RPTOR: variants seen among roughly 807,000 people sequenced by gnomAD.
The protein encoded by RPTOR is regulatory associated protein of MTOR complex 1.
A neutral mutation model predicts 169.9 loss-of-function variants in RPTOR; 21 were observed. The ratio of observed to expected loss-of-function variants is 0.12; its 90% CI spans 0.09 to 0.18. RPTOR has a LOEUF of 0.18. Ranked by LOEUF, RPTOR falls within the 10% of genes least tolerant of loss-of-function variation. RPTOR has a pLI of 1.00. For missense variants in RPTOR, 1,133 were observed against 1,855.9 expected (o/e 0.61, Z 7.16); for synonymous variants, 732 against 753.2 (o/e 0.97, Z 0.46).
At chr17:80,891,680 A>G in intron 17 of RPTOR, 40 bp from the exon 18 acceptor site, 1 of 1,346,780 alleles carries the variant, frequency 7.4e-7, no homozygotes, top group Non-Finnish European at 1.1e-6. Context: ...ATCATTTTCC[A>G]GCCCCAGTGA....
In RPTOR at chr17:80,730,774, G is replaced by T; in HGVS notation, c.654+68G>T. 1 of 1,173,516 alleles carries T rather than the reference G, an allele frequency of 8.5e-7. No homozygotes were observed. The highest frequency in any genetic ancestry group is 1.2e-6 in the Non-Finnish European group (1 of 807,010). 72.7% of individuals were successfully genotyped at this position (1,173,516 alleles called of 1,614,324 possible). On this transcript the variant is annotated intron_variant, in intron 5 of 33. Transcript: ENST00000306801. This position sits in a 1 kb window ranked among gnomAD's most constrained non-coding sequence, Gnocchi z 4.2. ...TGTTTTCCCTGGGGGTGGGGTTTGG[G>T]TGGGGAGGTTGGGAGGTGTTGGACA...
Position 80,844,025 on chromosome 17 carries a change from A to G in RPTOR, c.1213-2448A>G, listed in dbSNP as rs1261496178. Among the ~76,000 whole-genome samples, 1 of 152,142 alleles carries G rather than the reference A, an allele frequency of 6.6e-6. No individual in the cohort carries two copies. The highest frequency in any genetic ancestry group is 1.5e-5 in the Non-Finnish European group (1 of 68,022). On this transcript the variant is annotated intron_variant, in intron 10 of 33. Transcript: ENST00000306801. This position sits in a 1 kb window ranked among gnomAD's most constrained non-coding sequence, Gnocchi z 4.7. The stretch of plus-strand genomic sequence containing the variant: ...GACCTGTGAGCTCTCTGTCTCGCTG[A>G]ATGGACTTCGCTCCCCTGCACGCAG...
At chr17:80,849,016 A>C (rs1283665916) in intron 11 of RPTOR, among the ~76,000 whole-genome samples, 2 of 152,154 alleles carry the variant, frequency 1.3e-5, no homozygotes, top group African/African-American at 2.4e-5. Context: ...GGCTGTGCCC[A>C]GCCGGGATCA....
Position 80,957,094 on chromosome 17 carries a change from TGGGA to T in RPTOR, c.3371-528_3371-525del, listed in dbSNP as rs2069261065. On this transcript the variant is annotated intron_variant, in intron 28 of 33. Coordinates refer to ENST00000306801, the MANE Select transcript of RPTOR (RefSeq NM_020761.3). This position sits in a 1 kb window ranked among gnomAD's most constrained non-coding sequence, Gnocchi z 4.6. ...CAGAATTGTCACCCCGGCCTGGACT[TGGGA>T]GTTCCAGCTTAGAACTGTCACCCCG... Among the ~76,000 whole-genome samples the T allele has an allele frequency of 5.3e-5, 8 of 151,096 alleles. No homozygotes were observed. Among genetic ancestry groups the T allele is most frequent in the African/African-American group, 1.7e-4 (7 of 40,886 alleles).
At chr17:80,570,239 A>G (rs551208773) in intron 1 of RPTOR, among the ~76,000 whole-genome samples, 1 of 152,220 alleles carries the variant, frequency 6.6e-6, no homozygotes, top group African/African-American at 2.4e-5. Flanking sequence ...TCGTTGTTCA[A>G]TGCCTGAAGA....
intron 6 of RPTOR, among the ~76,000 whole-genome samples, chr17:80,785,271 C>T (rs1229459482): frequency 1.3e-5 from 2 of 152,080 alleles, no homozygotes; most frequent in African/African-American, 2.4e-5. Flanking sequence ...CTACCAAAGG[C>T]TAAAAATGAG....
chr17:80,598,453 T>C (rs1489441695), intron 1 of RPTOR, among the ~76,000 whole-genome samples: 1 of 152,210 alleles, frequency 6.6e-6, no homozygotes, highest in Non-Finnish European at 1.5e-5. Flanking sequence ...GTTTTTGATA[T>C]TGTATTCTAA....
At chr17:80,549,356 A>G (rs555452394) in intron 1 of RPTOR, among the ~76,000 whole-genome samples, 44 of 152,282 alleles carry the variant, frequency 2.9e-4, no homozygotes, top group African/African-American at 1.1e-3. Context: ...AGATACGTAT[A>G]TATCTCCCCT....
In RPTOR at chr17:80,885,163, A is replaced by G. The variant is rs1345670061; in HGVS notation, c.1983+15A>G. 3.9e-6 allele frequency: 6 copies of G among 1,549,584 alleles called. No homozygotes were observed. Among genetic ancestry groups the G allele is most frequent in the Non-Finnish European group, 4.4e-6 (5 of 1,146,248 alleles). On this transcript the variant is annotated intron_variant, in intron 17 of 33. Coordinates refer to ENST00000306801, the MANE Select transcript of RPTOR (RefSeq NM_020761.3). ...TGGTCCGGAAGGTGCGTGAACCCCCAGCCCGGCAGCAGCAGGGCACCCAGG... is the reference window on the plus strand; with the variant it reads ...TGGTCCGGAAGGTGCGTGAACCCCCGGCCCGGCAGCAGCAGGGCACCCAGG...
intron 22 of RPTOR, 80 bp downstream of exon 22, chr17:80,922,907 C>T: frequency 8.5e-7 from 1 of 1,182,650 alleles, no homozygotes; most frequent in East Asian, 2.6e-5. Context: ...AGCCGGCCTC[C>T]CCATCCTCCT....
In RPTOR at chr17:80,947,056, G is replaced by T. The variant is rs1437650180; in HGVS notation, c.3141-171G>T. Among the ~76,000 whole-genome samples the T allele has an allele frequency of 6.6e-6, 1 of 152,196 alleles. No individual in the cohort carries two copies. The highest frequency in any genetic ancestry group is 1.5e-5 in the Non-Finnish European group (1 of 68,028). On this transcript the variant is annotated intron_variant, in intron 26 of 33. Transcript: ENST00000306801. This position sits in a 1 kb window ranked among gnomAD's most constrained non-coding sequence, Gnocchi z 4.4. The stretch of plus-strand genomic sequence containing the variant: ...GGTCTTGAACTCCCAGGCTCCAACA[G>T]TCCTCCTGCTTCAGCCTCCCAAGTA...
intron 1 of RPTOR, among the ~76,000 whole-genome samples, chr17:80,604,970 A>G (rs1336619180): frequency 6.7e-6 from 1 of 149,754 alleles, no homozygotes; most frequent in Admixed American, 6.7e-5. Context: ...TATGTTGCCC[A>G]GCTGGTCTTT....
At chr17:80,613,906 G>T (rs922237731) in intron 1 of RPTOR, among the ~76,000 whole-genome samples, 2 of 152,244 alleles carry the variant, frequency 1.3e-5, no homozygotes, top group African/African-American at 4.8e-5. Flanking sequence ...AGCGTCTATC[G>T]CAGCATCATC....
intron 14 of RPTOR, among the ~76,000 whole-genome samples, chr17:80,882,476 C>T (rs1431804803): frequency 6.6e-6 from 1 of 152,220 alleles, no homozygotes; most frequent in Admixed American, 6.5e-5. Flanking sequence ...TCATCAGCAG[C>T]GGCTCTCGGC....
At chr17:80,630,670 G>T (rs2065435126) in intron 2 of RPTOR, among the ~76,000 whole-genome samples, 1 of 152,256 alleles carries the variant, frequency 6.6e-6, no homozygotes, top group South Asian at 2.1e-4. Context: ...ACCTGGGTTT[G>T]TGTTTGATTG....
intron 1 of RPTOR, among the ~76,000 whole-genome samples, chr17:80,618,537 G>A (rs1474161195): frequency 5.3e-5 from 8 of 152,166 alleles, no homozygotes; most frequent in Non-Finnish European, 1.0e-4. Context: ...TGCGAAGGTC[G>A]CCGTGGGCGA....
Position 80,919,629 on chromosome 17 carries a change from C to T in RPTOR, c.2521-3095C>T, listed in dbSNP as rs188772586. ...ACAGGGTGGGTCTCATTCCAGTCCC[C>T]GCTTCAGCAGCTGCAACAGTCGGGG... On this transcript the variant is annotated intron_variant, in intron 21 of 33. Coordinates refer to ENST00000306801, the MANE Select transcript of RPTOR (RefSeq NM_020761.3). Among the ~76,000 whole-genome samples the T allele has an allele frequency of 1.7e-4, 26 of 152,328 alleles. No homozygotes were observed. In the East Asian group the frequency reaches 4.4e-3, roughly 26 times the overall value.
intron 3 of RPTOR, among the ~76,000 whole-genome samples, chr17:80,691,993 G>C (rs1410109487): frequency 1.3e-5 from 2 of 152,246 alleles, no homozygotes. Flanking sequence ...GTTTCAGAAA[G>C]CAACACCAGC....
intron 11 of RPTOR, among the ~76,000 whole-genome samples, chr17:80,851,478 A>C (rs1474520941): frequency 7.0e-6 from 1 of 142,292 alleles, no homozygotes. Flanking sequence ...AAAAGGTGGC[A>C]GGAAGATGAT....
Sources: gnomAD v4.1 joint callset for allele counts (sites outside exome capture counted in the v4.1 genomes callset) on GRCh38, gnomAD v4.1.1 for gene constraint, Gnocchi (gnomAD v3.1) non-coding constraint, MANE v1.5 for transcripts, NCBI Gene and HGNC (gene_info 2026-07-23, HGNC 2026-07-21) for gene names.